Variants in NUS1 observed in about 807,000 individuals in gnomAD.
The protein encoded by NUS1 is dehydrodolichyl diphosphate synthase complex subunit NUS1.
For synonymous variants in NUS1, 135 were observed against 155.2 expected (o/e 0.87, Z 0.97); for missense variants, 292 against 382.9 (o/e 0.76, Z 1.98).
At chr6:117,685,311 T>G (rs1376213520) in intron 1 of NUS1, among the ~76,000 whole-genome samples, 1 of 152,208 alleles carries the variant, frequency 6.6e-6, no homozygotes, top group African/African-American at 2.4e-5. Context: ...TGCAGTTTCC[T>G]TACTTTGGAA....
Position 117,691,179 on chromosome 6 carries a change from C to T in NUS1, c.416-1863C>T, listed in dbSNP as rs1025194738. Among the ~76,000 whole-genome samples, 7 of 151,996 alleles carry T rather than the reference C, an allele frequency of 4.6e-5. No homozygotes were observed. In the East Asian group the frequency reaches 1.2e-3, roughly 25 times the overall value. ...AGTCTGCTGCTTGCCCTTCTATATG[C>T]TGTTGCCAGATTAATTCTTCTAAAT... On this transcript the variant is annotated intron_variant, in intron 1 of 4. Transcript: ENST00000368494.
At chr6:117,684,179 G>A (rs1354659616) in intron 1 of NUS1, among the ~76,000 whole-genome samples, 1 of 152,202 alleles carries the variant, frequency 6.6e-6, no homozygotes, top group Non-Finnish European at 1.5e-5. Context: ...AGCAAATGTG[G>A]CTGTTTTCCA....
At chr6:117,677,103 G>T (rs1432491277) in intron 1 of NUS1, among the ~76,000 whole-genome samples, 1 of 152,168 alleles carries the variant, frequency 6.6e-6, no homozygotes, top group Admixed American at 6.5e-5. Flanking sequence ...GGGAGTTTTT[G>T]TAAGTACAAA....
At chr6:117,700,684 T>G (rs1180372819) in intron 3 of NUS1, among the ~76,000 whole-genome samples, 1 of 152,166 alleles carries the variant, frequency 6.6e-6, no homozygotes, top group Non-Finnish European at 1.5e-5. Context: ...CTGTTCACAA[T>G]AGCCAAGATT....
intron 3 of NUS1, among the ~76,000 whole-genome samples, chr6:117,703,374 A>T (rs936055517): frequency 8.2e-4 from 125 of 152,328 alleles, no homozygotes; most frequent in African/African-American, 3.0e-3. Flanking sequence ...CAATCAAGTT[A>T]AACAGACTTT....
chr6:117,698,554 A>G (rs1773353608), intron 3 of NUS1, among the ~76,000 whole-genome samples: 1 of 152,122 alleles, frequency 6.6e-6, no homozygotes, highest in South Asian at 2.1e-4. Flanking sequence ...TGGAAAGCTC[A>G]TGACTTGATG....
At chr6:117,686,329 A>G (rs74296487) in intron 1 of NUS1, among the ~76,000 whole-genome samples, 4,758 of 152,156 alleles carry the variant, frequency 0.031, 72 homozygotes, top group South Asian at 0.066. Context: ...GGTTGTATTT[A>G]TTTTATAAAA....
At chr6:117,686,971 T>TG (rs1773150547) in intron 1 of NUS1, among the ~76,000 whole-genome samples, 2 of 151,902 alleles carry the variant, frequency 1.3e-5, no homozygotes, top group African/African-American at 4.8e-5. Context: ...GATTTCTGGG[T>TG]GGGGGTCAAG....
At chr6:117,696,773 A>AG (rs1299366529) in intron 3 of NUS1, among the ~76,000 whole-genome samples, 1 of 152,160 alleles carries the variant, frequency 6.6e-6, no homozygotes, top group African/African-American at 2.4e-5. Context: ...AGAAATGCTA[A>AG]GGGGAATTGT....
intron 3 of NUS1, among the ~76,000 whole-genome samples, chr6:117,702,503 G>T (rs893276932): frequency 1.3e-5 from 2 of 152,010 alleles, no homozygotes; most frequent in African/African-American, 4.8e-5. Context: ...ATAATTGTCC[G>T]CCTTTGGTCA....
At chr6:117,705,699 C>T (rs1232135963) in intron 4 of NUS1, among the ~76,000 whole-genome samples, 1 of 152,022 alleles carries the variant, frequency 6.6e-6, no homozygotes, top group East Asian at 1.9e-4. Context: ...GGAGTAGTGG[C>T]ACTATATTGA....
At chr6:117,692,108 G>A (rs542321996) in intron 1 of NUS1, among the ~76,000 whole-genome samples, 49 of 152,186 alleles carry the variant, frequency 3.2e-4, no homozygotes, top group Admixed American at 3.1e-3. Context: ...ATCTTTGCTG[G>A]ACAAGAAAGT....
intron 3 of NUS1, among the ~76,000 whole-genome samples, chr6:117,697,140 C>T (rs553070715): frequency 6.6e-6 from 1 of 151,856 alleles, no homozygotes; most frequent in Admixed American, 6.6e-5. Flanking sequence ...ATGGTAACCT[C>T]CAATCAAAAA....
intron 3 of NUS1, among the ~76,000 whole-genome samples, chr6:117,701,531 A>T (rs1485636589): frequency 2.0e-5 from 3 of 152,112 alleles, no homozygotes. Flanking sequence ...GGCGTGAGCC[A>T]CCACGCCCGG....
intron 2 of NUS1, among the ~76,000 whole-genome samples, chr6:117,693,634 A>G (rs1402615067): frequency 1.3e-5 from 2 of 151,346 alleles, no homozygotes; most frequent in Non-Finnish European, 2.9e-5. Flanking sequence ...ATTCCACTCT[A>G]ACAGTTTTTT....
In NUS1 at chr6:117,688,449, C is replaced by CT. The variant is rs56753843; in HGVS notation, c.416-4580dup. On this transcript the variant is annotated intron_variant, in intron 1 of 4. Transcript: ENST00000368494. ...AGAAATAGAGCGTCAAGAAGGAGGA[C>CT]TTTTTTTTTTTTTAAATTATAAACC... 5.7e-4 allele frequency among the ~76,000 whole-genome samples: 85 copies of CT among 148,738 alleles called. 1 individual carries two copies. The highest frequency in any genetic ancestry group is 3.9e-3 in the Admixed American group (58 of 14,940).
At chr6:117,691,558 G>GATATATATATATATATATATATATAT (rs60775803) in intron 1 of NUS1, among the ~76,000 whole-genome samples, 1 of 136,980 alleles carries the variant, frequency 7.3e-6, no homozygotes, top group Non-Finnish European at 1.6e-5. Flanking sequence ...CATAGATATA[G>GATATATATATATATATATATATATAT]ATATATATAT....
At chr6:117,690,979 CAAAA>C (rs71736900) in intron 1 of NUS1, among the ~76,000 whole-genome samples, 6 of 73,294 alleles carry the variant, frequency 8.2e-5, no homozygotes, top group African/African-American at 3.6e-4. Context: ...GAGTCTGTCT[CAAAA>C]AAAAAAAAAA....
intron 1 of NUS1, among the ~76,000 whole-genome samples, chr6:117,683,666 TGTAA>T (rs1351813066): frequency 7.9e-5 from 12 of 152,332 alleles, no homozygotes; most frequent in African/African-American, 2.6e-4. Flanking sequence ...TGTTTGTTCT[TGTAA>T]GTACTTGCTA....
Sources: allele counts gnomAD v4.1 joint callset (sites outside exome capture counted in the v4.1 genomes callset), GRCh38; gene constraint gnomAD v4.1.1; transcripts MANE v1.5; gene names NCBI Gene and HGNC (gene_info 2026-07-23, HGNC 2026-07-21).